The following RAB3C variants were observed in gnomAD, a reference collection of about 807,000 sequenced individuals.
The protein encoded by RAB3C is ras-related protein Rab-3C.
Under a neutral mutation model 26.4 loss-of-function variants are expected in RAB3C, and 17 were observed. That is an observed-to-expected ratio of 0.64 (90% CI 0.44 to 0.97). The LOEUF is 0.97. RAB3C is among the 50% of genes least tolerant of loss of function. The pLI is 0.00. For synonymous variants in RAB3C, 91 were observed against 95.9 expected, an observed-to-expected ratio of 0.95 and a Z score of 0.30; for missense variants, 242 against 281.9, an observed-to-expected ratio of 0.86 and a Z score of 1.01.
intron 2 of RAB3C, among the ~76,000 whole-genome samples, chr5:58,627,781 C>T (rs1747091151): frequency 1.3e-5 from 2 of 152,158 alleles, no homozygotes; most frequent in Admixed American, 6.5e-5. Context: ...GCTGAAGGTG[C>T]TGATGCATAT....
intron 3 of RAB3C, among the ~76,000 whole-genome samples, chr5:58,750,834 C>T (rs946046891): frequency 4.6e-5 from 7 of 151,812 alleles, no homozygotes; most frequent in South Asian, 2.1e-4. Context: ...TTCCTTCCTC[C>T]CTCCCTCATT....
At chr5:58,725,709 TA>T (rs764748340) in intron 2 of RAB3C, among the ~76,000 whole-genome samples, 144 of 152,036 alleles carry the variant, frequency 9.5e-4, no homozygotes, top group Admixed American at 2.0e-3. Context: ...TGTTTCTGCA[TA>T]AAGACAAATA....
chr5:58,746,486 A>G (rs1163831560), intron 3 of RAB3C, among the ~76,000 whole-genome samples: 1 of 152,194 alleles, frequency 6.6e-6, no homozygotes. Context: ...AGCCATCCTT[A>G]TAATATTCTA....
chr5:58,757,958 T>TG (rs56092152), intron 3 of RAB3C, among the ~76,000 whole-genome samples: 24 of 152,340 alleles, frequency 1.6e-4, no homozygotes, highest in African/African-American at 5.3e-4. Context: ...TGTTTTGTTT[T>TG]TGAGACGGAG....
intron 2 of RAB3C, among the ~76,000 whole-genome samples, chr5:58,642,771 G>A (rs187541436): frequency 3.6e-4 from 55 of 152,300 alleles, no homozygotes; most frequent in African/African-American, 1.3e-3. Flanking sequence ...TCACTCTTCT[G>A]TTTGAAACAT....
intron 2 of RAB3C, among the ~76,000 whole-genome samples, chr5:58,633,819 A>G (rs1747234507): frequency 6.6e-6 from 1 of 152,096 alleles, no homozygotes; most frequent in African/African-American, 2.4e-5. Flanking sequence ...CGTTTACCCT[A>G]TACATATTTA....
At chr5:58,702,040 G>T (rs1429358208) in intron 2 of RAB3C, among the ~76,000 whole-genome samples, 1 of 152,108 alleles carries the variant, frequency 6.6e-6, no homozygotes, top group African/African-American at 2.4e-5. Flanking sequence ...CCATTTTCCT[G>T]CATGGAGCAC....
chr5:58,688,926 G>A (rs958949623), intron 2 of RAB3C, among the ~76,000 whole-genome samples: 7 of 152,022 alleles, frequency 4.6e-5, no homozygotes, highest in African/African-American at 1.4e-4. Context: ...TTAACACTTG[G>A]TAGTGAGTTG....
chr5:58,693,060 T>A lies in RAB3C; in HGVS notation c.253-32942T>A, dbSNP rs1311329504. Among the ~76,000 whole-genome samples the A allele has an allele frequency of 3.3e-5, 5 of 151,454 alleles. No individual in the cohort carries two copies. The East Asian group carries it at 9.7e-4, about 29-fold the overall frequency. ...AGGCAGAGGTTGCAGTGAGCCTAGATCGTGCTATTGCACTCCAGCCTGGGC... is the reference window on the plus strand; with the variant it reads ...AGGCAGAGGTTGCAGTGAGCCTAGAACGTGCTATTGCACTCCAGCCTGGGC... On this transcript the variant is annotated intron_variant, in intron 2 of 4. Coordinates refer to ENST00000282878, the MANE Select transcript of RAB3C (RefSeq NM_138453.4).
intron 3 of RAB3C, among the ~76,000 whole-genome samples, chr5:58,745,135 C>G (rs183437524): frequency 5.0e-4 from 76 of 152,078 alleles, no homozygotes; most frequent in African/African-American, 1.8e-3. Context: ...CGGTGGCTCA[C>G]GCCTGTAATC....
At chr5:58,739,979 C>T (rs1207789888) in intron 3 of RAB3C, among the ~76,000 whole-genome samples, 1 of 152,156 alleles carries the variant, frequency 6.6e-6, no homozygotes, top group African/African-American at 2.4e-5. Flanking sequence ...TAGTTGGTTT[C>T]CAAACTTTGT....
At position 58,855,424 on chromosome 5, in the gene RAB3C, T is replaced by C. The variant is rs1744236433; in HGVS notation, c.*4073T>C. On this transcript the variant is annotated 3_prime_UTR_variant, in exon 5 of 5. Transcript: ENST00000282878. Reference sequence around the variant, plus strand: ...GTCTGAAGAACCCTTTCTCTCACAATTACAGTTTGCATGACTAGAACCCGG... The same window carrying C: ...GTCTGAAGAACCCTTTCTCTCACAACTACAGTTTGCATGACTAGAACCCGG... 6.6e-6 allele frequency: 1 copy of C among 152,216 alleles called. No homozygotes were observed. Among genetic ancestry groups the C allele is most frequent in the Non-Finnish European group, 1.5e-5 (1 of 68,048 alleles). 9.4% of individuals were successfully genotyped at this position (152,216 alleles called of 1,614,324 possible).
At chr5:58,820,293 C>T (rs1043595081) in intron 3 of RAB3C, among the ~76,000 whole-genome samples, 1 of 151,608 alleles carries the variant, frequency 6.6e-6, no homozygotes, top group Non-Finnish European at 1.5e-5. Context: ...TAATTTGCTA[C>T]ATCCTTTTGT....
At chr5:58,684,402 C>G (rs1175919951) in intron 2 of RAB3C, among the ~76,000 whole-genome samples, 1 of 152,174 alleles carries the variant, frequency 6.6e-6, no homozygotes, top group Non-Finnish European at 1.5e-5. Context: ...GTCTTTATCA[C>G]TTCTTTTGAG....
Position 58,813,592 on chromosome 5 carries a change from TTATATATATATATATATATATATATATA to T in RAB3C, c.372-11431_372-11404del, listed in dbSNP as rs869039335. Reference sequence around the variant, plus strand: ...TGTTATGGTTAATTTATATTTATATTTATATATATATATATATATATATATATATATATATATATATACACACACACAC... The same window carrying T: ...TGTTATGGTTAATTTATATTTATATTTATATATATATATACACACACACAC... On this transcript the variant is annotated intron_variant, in intron 3 of 4. Transcript: ENST00000282878. Among the ~76,000 whole-genome samples, 6 of 47,816 alleles carry T rather than the reference TTATATATATATATATATATATATATATA, an allele frequency of 1.3e-4. 1 individual carries two copies. The highest frequency in any genetic ancestry group is 1.5e-3 in the South Asian group (2 of 1,346). The allele number at this position is 47,816 out of a possible 152,430, so 31.4% of individuals were successfully genotyped here.
In RAB3C at chr5:58,583,136, CGGG is replaced by C; in HGVS notation, c.-72_-70del. 9 of 1,610,904 alleles carry C rather than the reference CGGG, an allele frequency of 5.6e-6. No individual in the cohort carries two copies. In the South Asian group the frequency reaches 9.9e-5, roughly 18 times the overall value. ...GTGCAGAGTGTGGAGCGTGGAGCGC[CGGG>C]ACTGTGCACGCTTGACCGGAAGCCC... On this transcript the variant is annotated 5_prime_UTR_variant, in exon 1 of 5. Transcript: ENST00000282878.
chr5:58,612,550 A>ATATATATATATATG lies in RAB3C; in HGVS notation c.25-5081_25-5068dup, dbSNP rs1445164323. Among the ~76,000 whole-genome samples the ATATATATATATATG allele has an allele frequency of 3.3e-5, 3 of 91,774 alleles. 1 individual carries two copies. Among genetic ancestry groups the ATATATATATATATG allele is most frequent in the African/African-American group, 1.3e-4 (3 of 22,324 alleles). The allele number at this position is 91,774 out of a possible 152,430, so 60.2% of individuals were successfully genotyped here. A position where few individuals can be genotyped will look rare whatever the true frequency, so the allele number is the denominator to read the frequency against. ...TATATATATATATATATATATATGT[A>ATATATATATATATG]TATATATATATATGTATATATATAT... On this transcript the variant is annotated intron_variant, in intron 1 of 4. Coordinates refer to ENST00000282878, the MANE Select transcript of RAB3C (RefSeq NM_138453.4).
chr5:58,612,489 T>TGG (rs1561266298), intron 1 of RAB3C, among the ~76,000 whole-genome samples: 1 of 63,140 alleles, frequency 1.6e-5, no homozygotes, highest in East Asian at 7.9e-4. Flanking sequence ...TGTTCCTAGG[T>TGG]GTGTGTGTGT....
chr5:58,593,967 G>A (rs1160907139), intron 1 of RAB3C, among the ~76,000 whole-genome samples: 1 of 152,078 alleles, frequency 6.6e-6, no homozygotes, highest in East Asian at 1.9e-4. Flanking sequence ...TCCTATCTGC[G>A]AAAAACATGG....
Sources: allele counts gnomAD v4.1 joint callset (sites outside exome capture counted in the v4.1 genomes callset), GRCh38; gene constraint gnomAD v4.1.1; transcripts MANE v1.5; gene names NCBI Gene and HGNC (gene_info 2026-07-23, HGNC 2026-07-21).